ATG10: variants seen among roughly 807,000 people sequenced by gnomAD.
The protein encoded by ATG10 is ubiquitin-like-conjugating enzyme ATG10.
In ATG10, 30 loss-of-function variants were observed where a neutral mutation model predicts 32.1. The observed-to-expected ratio is 0.94, with a 90% CI of 0.70 to 1.27. The LOEUF (loss-of-function observed/expected upper bound fraction) is 1.27, where lower values mean the gene tolerates loss of function less well. Ranked by LOEUF, ATG10 falls within the 50% of genes most tolerant of loss-of-function variation. The pLI, the probability that ATG10 is intolerant of heterozygous loss-of-function variation, is 0.00. For synonymous variants in ATG10, 87 were observed against 91.5 expected (o/e 0.95, Z 0.28); for missense variants, 233 against 262.3 (o/e 0.89, Z 0.77).
chr5:82,049,560 TAAAA>T (rs889716776), intron 2 of ATG10, among the ~76,000 whole-genome samples: 3 of 141,168 alleles, frequency 2.1e-5, no homozygotes, highest in African/African-American at 7.8e-5. Context: ...TAATAATAAA[TAAAA>T]AAAAAAAGAA....
intron 5 of ATG10, among the ~76,000 whole-genome samples, chr5:82,194,458 A>C (rs1109846): frequency 0.25 from 37,818 of 152,110 alleles, 6,245 homozygotes; most frequent in African/African-American, 0.48. Context: ...TTTAGTATTA[A>C]GATATGAACT....
intron 1 of ATG10, among the ~76,000 whole-genome samples, chr5:81,972,742 A>C (rs1376395068): frequency 6.6e-6 from 1 of 152,210 alleles, no homozygotes; most frequent in Non-Finnish European, 1.5e-5. Flanking sequence ...TGATATTTAG[A>C]GCCAACAGGT....
chr5:82,112,657 A>C (rs1396615397), intron 3 of ATG10, among the ~76,000 whole-genome samples: 1 of 151,920 alleles, frequency 6.6e-6, no homozygotes, highest in Non-Finnish European at 1.5e-5. Flanking sequence ...GAACCTTCAG[A>C]ATAATCGATT....
At chr5:82,124,492 C>G (rs1766180678) in intron 3 of ATG10, among the ~76,000 whole-genome samples, 1 of 151,668 alleles carries the variant, frequency 6.6e-6, no homozygotes, top group Non-Finnish European at 1.5e-5. Flanking sequence ...ATGTTCCCCT[C>G]CCTGTGCCGT....
chr5:82,179,499 G>A (rs1174386274), intron 5 of ATG10, among the ~76,000 whole-genome samples: 1 of 152,064 alleles, frequency 6.6e-6, no homozygotes, highest in African/African-American at 2.4e-5. Context: ...GGTTGCAATA[G>A]TGATTTGCAA....
intron 3 of ATG10, among the ~76,000 whole-genome samples, chr5:82,076,896 C>T (rs1764291925): frequency 6.6e-6 from 1 of 152,152 alleles, no homozygotes. Flanking sequence ...TCCACATTTT[C>T]AGATCGCCTA....
chr5:81,999,655 AAG>A (rs1214461267), intron 2 of ATG10, among the ~76,000 whole-genome samples: 7 of 152,258 alleles, frequency 4.6e-5, no homozygotes, highest in African/African-American at 1.7e-4. Flanking sequence ...ATAAAGAAAA[AAG>A]AGAGAAGATC....
intron 1 of ATG10, among the ~76,000 whole-genome samples, chr5:81,982,650 A>G (rs1041149124): frequency 2.0e-5 from 3 of 151,956 alleles, no homozygotes; most frequent in African/African-American, 7.2e-5. Context: ...AGTGGAGGGA[A>G]GGTCAGCAGA....
intron 2 of ATG10, among the ~76,000 whole-genome samples, chr5:82,041,923 AT>A (rs900874483): frequency 2.3e-4 from 34 of 150,272 alleles, no homozygotes; most frequent in South Asian, 4.2e-4. Context: ...TAGATATTGT[AT>A]TTTTTTTTAT....
intron 2 of ATG10, among the ~76,000 whole-genome samples, chr5:82,026,559 G>A (rs1336864704): frequency 6.6e-6 from 1 of 151,996 alleles, no homozygotes; most frequent in African/African-American, 2.4e-5. Context: ...GTGTTGCTAA[G>A]TAAAACATTG....
chr5:82,147,700 C>T (rs932422699), intron 3 of ATG10: 1 of 152,196 alleles, frequency 6.6e-6, no homozygotes, highest in Non-Finnish European at 1.5e-5. Flanking sequence ...AACATAGAAT[C>T]TGGGGTTGTC....
At chr5:82,164,631 TAG>T in intron 4 of ATG10, 94 bp downstream of exon 4, 1 of 1,272,272 alleles carries the variant, frequency 7.9e-7, no homozygotes, top group Non-Finnish European at 1.1e-6. Context: ...GGAAAAAAAA[TAG>T]AGTTAAAAAT....
At chr5:81,995,381 G>A (rs1277767693) in intron 2 of ATG10, among the ~76,000 whole-genome samples, 2 of 152,106 alleles carry the variant, frequency 1.3e-5, no homozygotes, top group African/African-American at 2.4e-5. Flanking sequence ...GACCTCAAGC[G>A]ATCCGCCCAT....
intron 5 of ATG10, among the ~76,000 whole-genome samples, chr5:82,216,041 T>A (rs956873382): frequency 6.6e-6 from 1 of 152,098 alleles, no homozygotes. Context: ...TTAATCAATG[T>A]TTAGTGATGA....
At chr5:82,192,719 C>T (rs1306005211) in intron 5 of ATG10, among the ~76,000 whole-genome samples, 1 of 152,104 alleles carries the variant, frequency 6.6e-6, no homozygotes, top group African/African-American at 2.4e-5. Flanking sequence ...TATCATTAAT[C>T]CATAAATATC....
At chr5:82,214,512 G>T (rs1268758435) in intron 5 of ATG10, among the ~76,000 whole-genome samples, 7 of 152,114 alleles carry the variant, frequency 4.6e-5, no homozygotes, top group Non-Finnish European at 2.9e-5. Context: ...TTATGATTAG[G>T]CTAATAGGAT....
intron 5 of ATG10, among the ~76,000 whole-genome samples, chr5:82,232,894 T>C (rs1236260139): frequency 1.3e-5 from 2 of 152,320 alleles, no homozygotes; most frequent in East Asian, 1.9e-4. Flanking sequence ...CCTTCCTTTC[T>C]AGCTTCAGGG....
chr5:82,118,830 A>C (rs1765930293), intron 3 of ATG10, among the ~76,000 whole-genome samples: 1 of 152,174 alleles, frequency 6.6e-6, no homozygotes, highest in South Asian at 2.1e-4. Flanking sequence ...AGGTAGACAG[A>C]GAAAGAGGAG....
At chr5:81,986,340 G>A (rs1391282678) in intron 1 of ATG10, among the ~76,000 whole-genome samples, 1 of 152,228 alleles carries the variant, frequency 6.6e-6, no homozygotes, top group Non-Finnish European at 1.5e-5. Flanking sequence ...ATGAGTCAGT[G>A]TCGATTAATC....
Sources: allele counts gnomAD v4.1 joint callset (sites outside exome capture counted in the v4.1 genomes callset), GRCh38; gene constraint gnomAD v4.1.1; transcripts MANE v1.5; gene names NCBI Gene and HGNC (gene_info 2026-07-23, HGNC 2026-07-21).